Variants in TK2 observed in about 807,000 individuals in gnomAD.
TK2 encodes thymidine kinase 2, also known as thymidine kinase 2, mitochondrial.
Under a neutral mutation model 41.9 loss-of-function variants are expected in TK2, and 35 were observed. That is an observed-to-expected ratio of 0.84 (90% confidence interval 0.64 to 1.11). TK2 has a LOEUF of 1.11. Among genes scored for constraint, TK2 ranks in the 50% least tolerant of loss-of-function variants. The probability of loss-of-function intolerance (pLI) is 0.00; values close to 1 mark genes in which losing one functional copy is unlikely to be tolerated. For missense variants in TK2, 320 were observed against 351.1 expected (o/e 0.91, Z 0.71); for synonymous variants, 128 against 129.1 (o/e 0.99, Z 0.06).
intron 6 of TK2, among the ~76,000 whole-genome samples, chr16:66,524,137 A>G (rs532670067): frequency 6.6e-6 from 1 of 152,350 alleles, no homozygotes; most frequent in East Asian, 1.9e-4. Flanking sequence ...GGCCAGGTGC[A>G]GGAAACAGGA....
At chr16:66,546,900 T>C (rs1478300134) in intron 2 of TK2, among the ~76,000 whole-genome samples, 2 of 151,982 alleles carry the variant, frequency 1.3e-5, no homozygotes, top group African/African-American at 4.8e-5. Context: ...TACTGGTGCA[T>C]GCCACCATGC....
chr16:66,531,554 A>T, intron 4 of TK2, 85 bp from the exon 5 acceptor site: 1 of 1,307,446 alleles, frequency 7.6e-7, no homozygotes, highest in Non-Finnish European at 1.1e-6. Context: ...AGGACAGCTC[A>T]AGAAACCTAC....
chr16:66,530,873 C>T (rs896527468), intron 5 of TK2, among the ~76,000 whole-genome samples: 1 of 151,984 alleles, frequency 6.6e-6, no homozygotes, highest in African/African-American at 2.4e-5. Context: ...ACACACATAC[C>T]ACCACGCCAG....
chr16:66,528,837 T>G (rs1270382177), intron 6 of TK2, among the ~76,000 whole-genome samples, 157 bp downstream of exon 6: 1 of 152,212 alleles, frequency 6.6e-6, no homozygotes, highest in Non-Finnish European at 1.5e-5. Flanking sequence ...CTGTCTGCCA[T>G]GAGGATTCGT....
chr16:66,550,271 A>C, upstream of TK2: 1 of 1,591,258 alleles, frequency 6.3e-7, no homozygotes. Context: ...GGACGCTGGC[A>C]GAACGCACCC....
intron 1 of TK2, chr16:66,549,583 G>A: frequency 9.1e-7 from 1 of 1,099,290 alleles, no homozygotes; most frequent in Non-Finnish European, 1.1e-6. Flanking sequence ...GCACCAGAGT[G>A]TGAGCAGAAT....
rs750057766 is a variant in TK2 at position 66,512,086 on chromosome 16, G to A, written c.700-20C>T. 5.6e-6 allele frequency: 9 copies of A among 1,606,266 alleles called. No individual in the cohort carries two copies. Among genetic ancestry groups the A allele is most frequent in the Non-Finnish European group, 7.7e-6 (9 of 1,172,824 alleles). Reference sequence around the variant, plus strand: ...AATCACCTGGAAATTAGACACATGGGTCACAAGGCTGCACTGACCTCAGCA... The same window carrying A: ...AATCACCTGGAAATTAGACACATGGATCACAAGGCTGCACTGACCTCAGCA... On this transcript the variant is annotated intron_variant, in intron 9 of 9. Transcript: ENST00000544898.
chr16:66,542,418 G>C (rs756065753), intron 2 of TK2, among the ~76,000 whole-genome samples: 1 of 152,120 alleles, frequency 6.6e-6, no homozygotes, highest in Non-Finnish European at 1.5e-5. Context: ...CATTAGGAAA[G>C]GGGAGAAGAA....
At chr16:66,519,425 C>T (rs892340950) in intron 6 of TK2, among the ~76,000 whole-genome samples, 3 of 152,122 alleles carry the variant, frequency 2.0e-5, no homozygotes, top group African/African-American at 4.8e-5. Context: ...ATGATCCACC[C>T]GCCTCGGCCT....
intron 3 of TK2, among the ~76,000 whole-genome samples, chr16:66,540,141 C>T: frequency 6.7e-6 from 1 of 150,288 alleles, no homozygotes; most frequent in African/African-American, 2.4e-5. Flanking sequence ...TTTTATCAAA[C>T]TATATATATT....
chr16:66,538,712 C>T (rs538656286), intron 3 of TK2, among the ~76,000 whole-genome samples: 180 of 152,274 alleles, frequency 1.2e-3, no homozygotes, highest in Middle Eastern at 3.4e-3. Flanking sequence ...AGGTACAGAG[C>T]GGCCAGGGGA....
rs1964649669 is a variant in TK2, at chr16:66,517,482, T to C, written c.539-267A>G. On this transcript the variant is annotated intron_variant, in intron 7 of 9. Transcript: ENST00000544898. This position sits in a 1 kb window ranked among gnomAD's most constrained non-coding sequence, Gnocchi z 4.3. ...CACACCCAGCAGGTCTCAGTGAATG[T>C]TCAGGCTCTGTCCTTCCTGTTCCTT... 6.6e-6 allele frequency among the ~76,000 whole-genome samples: 1 copy of C among 152,210 alleles called. No individual in the cohort carries two copies. The highest frequency in any genetic ancestry group is 1.5e-5 in the Non-Finnish European group (1 of 68,032).
chr16:66,520,031 G>A (rs1964733806), intron 6 of TK2, among the ~76,000 whole-genome samples: 2 of 152,152 alleles, frequency 1.3e-5, no homozygotes, highest in Admixed American at 6.5e-5. Flanking sequence ...CATGTCCTCA[G>A]AAGAGAAGAG....
intron 6 of TK2, among the ~76,000 whole-genome samples, chr16:66,524,499 C>A (rs1414924323): frequency 6.6e-6 from 1 of 152,086 alleles, no homozygotes; most frequent in Non-Finnish European, 1.5e-5. Flanking sequence ...CCAGGCCCAG[C>A]TAATTTTTTA....
rs281865506 is a variant in TK2 at position 66,531,418 on chromosome 16, C to CAT, written c.335_336dup (p.Val113MetfsTer20). 6.2e-7 allele frequency: 1 copy of CAT among 1,614,086 alleles called. No individual in the cohort carries two copies. The highest frequency in any genetic ancestry group is 1.7e-5 in the Admixed American group (1 of 60,006). ...TGCCTGTCCAGCATGGTGAGCTGCA[C>CAT]ATAAGTCTGTAGCGTAAGACCCCAG... On this transcript the variant is annotated frameshift_variant, in exon 5 of 10. Coordinates refer to ENST00000544898, the MANE Select transcript of TK2 (RefSeq NM_004614.5). LOFTEE classifies it high-confidence loss of function.
At position 66,548,790 on chromosome 16, in the gene TK2, G is replaced by A. The variant is rs1965686485; in HGVS notation, c.156+188C>T. On this transcript the variant is annotated intron_variant, in intron 2 of 9. Coordinates refer to ENST00000544898, the MANE Select transcript of TK2 (RefSeq NM_004614.5). ...TGCTCCTATCTGTGCAGACTCTGGG[G>A]AAAGATACAAGAAATTGGTAACAGA... The A allele has an allele frequency of 6.4e-6, 4 of 625,880 alleles. No individual in the cohort carries two copies. In the East Asian group the frequency reaches 1.1e-4, roughly 17 times the overall value. 38.8% of individuals were successfully genotyped at this position (625,880 alleles called of 1,614,324 possible).
chr16:66,530,560 AC>A (rs1487491995), intron 5 of TK2, among the ~76,000 whole-genome samples: 1 of 152,180 alleles, frequency 6.6e-6, no homozygotes. Context: ...TAAGAGCCAG[AC>A]CCCATGAAGG....
chr16:66,527,996 T>TA (rs75209565), intron 6 of TK2, among the ~76,000 whole-genome samples: 8,151 of 152,208 alleles, frequency 0.054, 328 homozygotes, highest in South Asian at 0.18. Context: ...CGTGCCCCCG[T>TA]ACTCCAGCTT....
chr16:66,530,688 C>T (rs1965082587), intron 5 of TK2, among the ~76,000 whole-genome samples: 1 of 151,564 alleles, frequency 6.6e-6, no homozygotes, highest in African/African-American at 2.4e-5. Flanking sequence ...TTCAGCAGGT[C>T]TGGGATGTGA....
Sources: allele counts gnomAD v4.1 joint callset (sites outside exome capture counted in the v4.1 genomes callset), GRCh38; gene constraint gnomAD v4.1.1; non-coding constraint Gnocchi (gnomAD v3.1); transcripts MANE v1.5; gene names NCBI Gene and HGNC (gene_info 2026-07-23, HGNC 2026-07-21).